Variants in SKIC2 observed in about 807,000 individuals in gnomAD.
SKIC2 encodes SKI2 subunit of superkiller complex.
At chr6:31,969,607 G>T in the SKIC2 span, 19 of 1,613,282 alleles carry the variant, frequency 1.2e-5, no homozygotes, top group Non-Finnish European at 1.6e-5. The surrounding 1 kb of genome is among the most constrained non-coding windows in gnomAD (Gnocchi z 6.1). Context: ...GCTCACTGCG[G>T]GGGGCAGCCC....
chr6:31,962,429 C>G, the SKIC2 span: 16 of 1,613,994 alleles, frequency 9.9e-6, no homozygotes, highest in Admixed American at 3.3e-5. The surrounding 1 kb of genome is among the most constrained non-coding windows in gnomAD (Gnocchi z 5.0). Context: ...ACTTCATGCT[C>G]TCTTCCCAGC....
chr6:31,961,610 A>G, the SKIC2 span: 13 of 1,612,924 alleles, frequency 8.1e-6, no homozygotes, highest in South Asian at 1.1e-5. Context: ...GCAGTGGGCC[A>G]TCCCTGTGGA....
chr6:31,963,886 TCCTTCC>T, the SKIC2 span: 2 of 1,588,482 alleles, frequency 1.3e-6, no homozygotes, highest in Non-Finnish European at 1.7e-6. The surrounding 1 kb of genome is among the most constrained non-coding windows in gnomAD (Gnocchi z 5.3). Flanking sequence ...CAACCTCTGC[TCCTTCC>T]CCTTCCCCTT....
chr6:31,961,868 C>G, the SKIC2 span: 44 of 1,608,154 alleles, frequency 2.7e-5, no homozygotes, highest in Non-Finnish European at 3.7e-5. Context: ...AGCAAGGCCC[C>G]GCTCCTTTCT....
the SKIC2 span, chr6:31,962,692 A>G: frequency 3.4e-5 from 55 of 1,610,598 alleles, no homozygotes; most frequent in Non-Finnish European, 4.5e-5. This position sits in a 1 kb window ranked among gnomAD's most constrained non-coding sequence, Gnocchi z 5.0. Context: ...TGGGGAGTCA[A>G]TCCTTGGCCT....
At chr6:31,959,319 G>A in the SKIC2 span, 1 of 1,613,934 alleles carries the variant, frequency 6.2e-7, no homozygotes. Context: ...CAGATCCCCT[G>A]GACCTACCCC....
the SKIC2 span, chr6:31,966,870 G>A: frequency 6.2e-7 from 1 of 1,614,114 alleles, no homozygotes. This position sits in a 1 kb window ranked among gnomAD's most constrained non-coding sequence, Gnocchi z 5.9. Context: ...GGTAACCAGT[G>A]TGTGGAGCAG....
the SKIC2 span, chr6:31,969,584 G>A: frequency 6.2e-7 from 1 of 1,613,774 alleles, no homozygotes; most frequent in East Asian, 2.2e-5. The surrounding 1 kb of genome is among the most constrained non-coding windows in gnomAD (Gnocchi z 6.1). Context: ...TCAGCGCCTG[G>A]CTGAGATGTG....
the SKIC2 span, chr6:31,967,098 A>G: frequency 3.7e-6 from 6 of 1,612,618 alleles, no homozygotes; most frequent in African/African-American, 8.0e-5. This position sits in a 1 kb window ranked among gnomAD's most constrained non-coding sequence, Gnocchi z 4.9. Flanking sequence ...CCTGAATATT[A>G]CAGCTGGGGG....
chr6:31,965,110 T>TC, the SKIC2 span, among the ~76,000 whole-genome samples: 2 of 152,236 alleles, frequency 1.3e-5, no homozygotes, highest in African/African-American at 4.8e-5. The surrounding 1 kb of genome is among the most constrained non-coding windows in gnomAD (Gnocchi z 5.6). Flanking sequence ...AGAGGGAGAC[T>TC]CCATCTCAAA....
chr6:31,966,130 C>T, the SKIC2 span: 1 of 722,482 alleles, frequency 1.4e-6, no homozygotes, highest in Non-Finnish European at 2.2e-6. This position sits in a 1 kb window ranked among gnomAD's most constrained non-coding sequence, Gnocchi z 5.9. Context: ...GGGTCTTGCT[C>T]TGTTACCTAG....
the SKIC2 span, chr6:31,963,228 G>A: frequency 1.3e-6 from 1 of 794,526 alleles, no homozygotes; most frequent in Non-Finnish European, 2.0e-6. The surrounding 1 kb of genome is among the most constrained non-coding windows in gnomAD (Gnocchi z 5.3). Flanking sequence ...CCACCTGGTG[G>A]CTGTGGGATC....
chr6:31,966,999 C>T, the SKIC2 span: 2 of 1,612,988 alleles, frequency 1.2e-6, no homozygotes, highest in African/African-American at 1.3e-5. This position sits in a 1 kb window ranked among gnomAD's most constrained non-coding sequence, Gnocchi z 5.9. Context: ...CTGCTCCCAC[C>T]CAAGGCCCAT....
chr6:31,961,040 G>C, the SKIC2 span: 1 of 1,609,702 alleles, frequency 6.2e-7, no homozygotes, highest in Non-Finnish European at 8.5e-7. Flanking sequence ...CTATCCTACA[G>C]ATCTTCTTAC....
chr6:31,959,455 C>A, the SKIC2 span: 1 of 1,195,268 alleles, frequency 8.4e-7, no homozygotes, highest in Non-Finnish European at 1.2e-6. Flanking sequence ...ACCTCCTTCA[C>A]CCTCCTCACA....
the SKIC2 span, chr6:31,963,665 G>T: frequency 1.3e-6 from 2 of 1,554,916 alleles, no homozygotes; most frequent in Non-Finnish European, 1.7e-6. This position sits in a 1 kb window ranked among gnomAD's most constrained non-coding sequence, Gnocchi z 5.3. Flanking sequence ...GGCCAAGAAG[G>T]AGAGAATGAG....
At chr6:31,959,361 C>G in the SKIC2 span, 1 of 1,613,720 alleles carries the variant, frequency 6.2e-7, no homozygotes, top group African/African-American at 1.3e-5. Flanking sequence ...GCACGGGGCA[C>G]TGGGAGCTGC....
chr6:31,967,590 C>T, the SKIC2 span: 5 of 1,101,372 alleles, frequency 4.5e-6, no homozygotes, highest in East Asian at 1.2e-4. The surrounding 1 kb of genome is among the most constrained non-coding windows in gnomAD (Gnocchi z 4.9). Flanking sequence ...GACTTGGTTG[C>T]CCCTCTCTAC....
chr6:31,968,058 G>C, the SKIC2 span: 1 of 1,613,024 alleles, frequency 6.2e-7, no homozygotes, highest in Non-Finnish European at 8.5e-7. The surrounding 1 kb of genome is among the most constrained non-coding windows in gnomAD (Gnocchi z 6.1). Flanking sequence ...GAGGACTTCA[G>C]CAAGAGGCAG....
Sources: allele counts gnomAD v4.1 joint callset (sites outside exome capture counted in the v4.1 genomes callset), GRCh38; gene constraint gnomAD v4.1.1; non-coding constraint Gnocchi (gnomAD v3.1); transcripts MANE v1.5; gene names NCBI Gene and HGNC (gene_info 2026-07-23, HGNC 2026-07-21).